ADGRE5: variants seen among roughly 807,000 people sequenced by gnomAD.
ADGRE5 encodes adhesion G protein-coupled receptor E5, also known as CD97 molecule.
A neutral mutation model predicts 100.3 loss-of-function variants in ADGRE5; 72 were observed. That is an observed-to-expected ratio of 0.72 (90% CI 0.59 to 0.87). The LOEUF (loss-of-function observed/expected upper bound fraction) is 0.87. Among genes scored for constraint, ADGRE5 ranks in the 40% least tolerant of loss-of-function variants. ADGRE5 has a pLI of 0.00. For synonymous variants in ADGRE5, 439 were observed against 447.8 expected (o/e 0.98, Z 0.25); for missense variants, 959 against 1,094.7 (o/e 0.88, Z 1.75).
intron 18 of ADGRE5, 130 bp from the exon 19 acceptor site, chr19:14,407,777 AG>A: frequency 4.2e-6 from 3 of 722,424 alleles, no homozygotes; most frequent in Non-Finnish European, 7.1e-6. Flanking sequence ...CCTGGGTGAC[AG>A]GGGGACCCGA....
rs757266230 is a variant in ADGRE5 at position 14,402,845 on chromosome 19, A to G, written c.1432A>G (p.Arg478Gly). ...HLESSDGEAG[R>G]DPPAKDVMPG... ...TGAGTCCTCCGATGGGGAGGCGGGA[A>G]GAGACCCTCCTGCCAAGGTCTCTGC... Residue 478 changes from arginine to glycine, a missense_variant, in exon 12 of 20, where the codon AGA (arginine) becomes GGA (glycine). Around this residue, in one of 6 missense-constraint regions of ADGRE5, gnomAD observed 246 missense variants for 242.2 expected, o/e 1.02. Transcript: ENST00000242786. 3 of 1,613,752 alleles carry G rather than the reference A, an allele frequency of 1.9e-6. No individual in the cohort carries two copies. Among genetic ancestry groups the G allele is most frequent in the African/African-American group, 2.7e-5 (2 of 74,854 alleles).
At position 14,406,958 on chromosome 19, in the gene ADGRE5, G is replaced by C. The variant is rs772992066; in HGVS notation, c.2205G>C (p.Ala735=). 6.2e-7 allele frequency: 1 copy of C among 1,614,060 alleles called. No homozygotes were observed. The highest frequency in any genetic ancestry group is 8.5e-7 in the Non-Finnish European group (1 of 1,179,900). Residue 735 remains alanine (A), a splice_region_variant and synonymous_variant, in exon 17 of 20, where the codon GCG becomes GCC. Transcript: ENST00000242786. The surrounding 1 kb of genome is among the most constrained non-coding windows in gnomAD (Gnocchi z 6.0). The part of the protein sequence containing the change: ...INPDMKKLKK[A]RALTITAIAQ... ...CAGACATGAAGAAATTAAAGAAGGC[G>C]AGGTGAGAGGAGAGGCTGGAAGGAC... is the stretch of plus-strand genomic sequence containing the variant.
chr19:14,390,802 C>T (rs1599616444), intron 3 of ADGRE5, 122 bp from the exon 4 acceptor site: 2 of 1,242,458 alleles, frequency 1.6e-6, no homozygotes, highest in East Asian at 5.1e-5. Flanking sequence ...TGCAGTGCAA[C>T]TTAAGATTTT....
chr19:14,408,228 C>A lies in ADGRE5; in HGVS notation c.*107C>A. ...CACCACTCTACTCCCTCCACCCTCC[C>A]TCCCTGATCCCGTGTGCCACCAGGA... On this transcript the variant is annotated 3_prime_UTR_variant, in exon 20 of 20. Coordinates refer to ENST00000242786, the MANE Select transcript of ADGRE5 (RefSeq NM_078481.4). 8.0e-7 allele frequency: 1 copy of A among 1,252,784 alleles called. No individual in the cohort carries two copies. The allele number at this position is 1,252,784 out of a possible 1,614,324, so 77.6% of individuals were successfully genotyped here. A position where few individuals can be genotyped will look rare whatever the true frequency, so the allele number is the denominator to read the frequency against.
intron 4 of ADGRE5, among the ~76,000 whole-genome samples, chr19:14,393,566 A>G (rs908585220): frequency 1.1e-4 from 16 of 152,210 alleles, no homozygotes; most frequent in African/African-American, 3.9e-4. Flanking sequence ...CAGGGTACCG[A>G]GATCAGGAAG....
intron 1 of ADGRE5, among the ~76,000 whole-genome samples, chr19:14,381,746 G>A (rs1481813487): frequency 6.6e-6 from 1 of 152,180 alleles, no homozygotes; most frequent in Non-Finnish European, 1.5e-5. Flanking sequence ...GGAACTCCAG[G>A]GTGCTCTTGG....
chr19:14,400,176 C>T (rs190029462), intron 9 of ADGRE5, among the ~76,000 whole-genome samples: 172 of 152,228 alleles, frequency 1.1e-3, no homozygotes, highest in Middle Eastern at 3.4e-3. Flanking sequence ...CCCACCACCA[C>T]GCCCAGCTAA....
Position 14,392,301 on chromosome 19 carries a change from T to TTTTGTTTG in ADGRE5, c.346+1230_346+1237dup, listed in dbSNP as rs71164254. ...AGAAAGAGTCCTTATCTTTTATTTG[T>TTTTGTTTG]TTTGTTTGTTTGTTTTTGAGACAGA... On this transcript the variant is annotated intron_variant, in intron 4 of 19. Coordinates refer to ENST00000242786, the MANE Select transcript of ADGRE5 (RefSeq NM_078481.4). Among the ~76,000 whole-genome samples the TTTTGTTTG allele has an allele frequency of 2.0e-5, 3 of 149,926 alleles. No individual in the cohort carries two copies. The South Asian group carries it at 6.4e-4, about 32-fold the overall frequency.
chr19:14,388,197 C>T (rs1181915582), intron 1 of ADGRE5, among the ~76,000 whole-genome samples: 1 of 151,754 alleles, frequency 6.6e-6, no homozygotes, highest in Non-Finnish European at 1.5e-5. Flanking sequence ...CACTGCACTC[C>T]AGCCTGGGTG....
intron 1 of ADGRE5, among the ~76,000 whole-genome samples, chr19:14,386,693 C>CAA (rs1172800346): frequency 5.0e-4 from 28 of 56,310 alleles, no homozygotes; most frequent in South Asian, 6.4e-4. Flanking sequence ...GACTCCGTCT[C>CAA]AAAAAAAAAA....
chr19:14,382,535 T>G (rs957637348), intron 1 of ADGRE5, among the ~76,000 whole-genome samples: 4 of 152,092 alleles, frequency 2.6e-5, no homozygotes, highest in African/African-American at 7.2e-5. Flanking sequence ...CACAAACTAT[T>G]CCTGGTTCAC....
chr19:14,403,992 C>G (rs1478519797), intron 12 of ADGRE5, among the ~76,000 whole-genome samples: 1 of 150,780 alleles, frequency 6.6e-6, no homozygotes, highest in African/African-American at 2.4e-5. Flanking sequence ...TTCTCCTGCC[C>G]AGGACTCCCA....
chr19:14,390,666 T>TGTGGAGCTTCCTGTCCATCCCTCACCTCA (rs1481158708), intron 3 of ADGRE5, among the ~76,000 whole-genome samples: 1 of 152,140 alleles, frequency 6.6e-6, no homozygotes, highest in African/African-American at 2.4e-5. Context: ...GGGATGGGGA[T>TGTGGAGCTTCCTGTCCATCCCTCACCTCA]GTGGAGCTTC....
Position 14,401,566 on chromosome 19 carries a change from G to A in ADGRE5, c.1075+3G>A. 6.2e-7 allele frequency: 1 copy of A among 1,613,800 alleles called. No homozygotes were observed. The highest frequency in any genetic ancestry group is 8.5e-7 in the Non-Finnish European group (1 of 1,179,788). ...CTACATTTCCCCTTCGAACACAGGT[G>A]AGGCCTTGGCCTGGCCTGCCCTGCC... On this transcript the variant is annotated splice_donor_region_variant and intron_variant, in intron 10 of 19. Transcript: ENST00000242786. This position sits in a 1 kb window ranked among gnomAD's most constrained non-coding sequence, Gnocchi z 4.1.
rs190831604 is a variant in ADGRE5, at chr19:14,388,309, A to G, written c.23-141A>G. ...TTGGCTTTGAGCATCTGAGTGGGAC[A>G]TGACATCTGCTCACTCTGAACGACC... On this transcript the variant is annotated intron_variant, in intron 1 of 19. Transcript: ENST00000242786. The G allele has an allele frequency of 6.3e-4, 911 of 1,445,142 alleles. 1 individual carries two copies. The highest frequency in any genetic ancestry group is 2.1e-3 in the East Asian group (85 of 40,760). 89.5% of individuals were successfully genotyped at this position (1,445,142 alleles called of 1,614,324 possible). A position where few individuals can be genotyped will look rare whatever the true frequency, so the allele number is the denominator to read the frequency against.
intron 4 of ADGRE5, 126 bp downstream of exon 4, chr19:14,391,205 A>G (rs1359064006): frequency 8.0e-7 from 1 of 1,243,340 alleles, no homozygotes; most frequent in African/African-American, 1.5e-5. Context: ...GAGATGGGAC[A>G]GGTGCACATG....
chr19:14,404,856 C>A, intron 13 of ADGRE5: 1 of 379,960 alleles, frequency 2.6e-6, no homozygotes, highest in Non-Finnish European at 4.7e-6. Flanking sequence ...CAAGGGGGCA[C>A]CACTTGCCCG....
At chr19:14,383,229 G>A (rs2146341543) in intron 1 of ADGRE5, among the ~76,000 whole-genome samples, 1 of 149,484 alleles carries the variant, frequency 6.7e-6, no homozygotes. Context: ...ATAAGGCCGG[G>A]TGCAGTGGCT....
intron 4 of ADGRE5, among the ~76,000 whole-genome samples, chr19:14,392,048 G>A (rs1424473708): frequency 4.7e-5 from 7 of 147,670 alleles, no homozygotes; most frequent in Non-Finnish European, 7.4e-5. Flanking sequence ...AGGTTGCAGT[G>A]AGCCAAGATC....
Sources: allele counts gnomAD v4.1 joint callset (sites outside exome capture counted in the v4.1 genomes callset), GRCh38; gene constraint gnomAD v4.1.1; regional missense constraint gnomAD v4.1.1; non-coding constraint Gnocchi (gnomAD v3.1); transcripts MANE v1.5; gene names NCBI Gene and HGNC (gene_info 2026-07-23, HGNC 2026-07-21).